Variants in CCDC171 observed in about 807,000 individuals in gnomAD.
CCDC171 encodes coiled-coil domain-containing protein 171.
CCDC171 carries 177 observed loss-of-function variants against 168.2 expected under a neutral mutation model. The observed-to-expected ratio is 1.05, with a 90% confidence interval of 0.93 to 1.19. CCDC171 has a LOEUF of 1.19. Among genes scored for constraint, CCDC171 ranks in the 50% most tolerant of loss-of-function variants. The pLI is 0.00. For synonymous variants in CCDC171, 687 were observed against 540.8 expected (o/e 1.27, Z -3.75); for missense variants, 1,991 against 1,539.0 (o/e 1.29, Z -4.91).
intron 18 of CCDC171, among the ~76,000 whole-genome samples, chr9:15,758,350 G>T (rs2056253132): frequency 6.6e-6 from 1 of 152,198 alleles, no homozygotes; most frequent in South Asian, 2.1e-4. Flanking sequence ...TTTTGGACTT[G>T]CGTGGGGCCT....
At chr9:15,933,131 C>T (rs149062765) in intron 25 of CCDC171, among the ~76,000 whole-genome samples, 2 of 152,022 alleles carry the variant, frequency 1.3e-5, no homozygotes, top group African/African-American at 4.8e-5. Context: ...GTATTTTCTC[C>T]TTTTCAATTT....
At chr9:15,629,211 C>G (rs1269868598) in intron 7 of CCDC171, among the ~76,000 whole-genome samples, 7 of 152,094 alleles carry the variant, frequency 4.6e-5, no homozygotes, top group Admixed American at 3.3e-4. Flanking sequence ...GAGAAGAAGG[C>G]TTCAGACGAT....
At chr9:15,657,631 C>T (rs1353027798) in intron 8 of CCDC171, among the ~76,000 whole-genome samples, 6 of 152,150 alleles carry the variant, frequency 3.9e-5, no homozygotes, top group African/African-American at 1.4e-4. Flanking sequence ...ATATCCTATG[C>T]ATATCACTGT....
intron 6 of CCDC171, among the ~76,000 whole-genome samples, chr9:15,621,332 GATTACACTATAGTGCAAAC>G (rs1400354227): frequency 1.3e-5 from 2 of 152,134 alleles, no homozygotes; most frequent in Non-Finnish European, 2.9e-5. Context: ...ACACTTAATA[GATTACACTATAGTGCAAAC>G]ATTACTTTCA....
intron 23 of CCDC171, among the ~76,000 whole-genome samples, chr9:15,866,926 G>C (rs368618410): frequency 6.6e-6 from 1 of 152,076 alleles, no homozygotes; most frequent in East Asian, 1.9e-4. Context: ...CCAGCATATA[G>C]TCTCTAAATA....
chr9:16,083,536 A>G, the CCDC171 span, among the ~76,000 whole-genome samples: 1 of 152,178 alleles, frequency 6.6e-6, no homozygotes, highest in Non-Finnish European at 1.5e-5. Flanking sequence ...CCATTGTTGG[A>G]AAGTGATATA....
At chr9:15,581,867 A>G (rs1016119259) in intron 4 of CCDC171, among the ~76,000 whole-genome samples, 4 of 152,150 alleles carry the variant, frequency 2.6e-5, no homozygotes, top group Non-Finnish European at 2.9e-5. Flanking sequence ...GGACATAGGC[A>G]TGGGCAAGGA....
chr9:15,788,808 C>T (rs771993287), intron 21 of CCDC171, among the ~76,000 whole-genome samples: 7 of 152,088 alleles, frequency 4.6e-5, no homozygotes, highest in Non-Finnish European at 8.8e-5. Flanking sequence ...TTGTCTTGGC[C>T]TCCCAAAGTG....
At chr9:15,828,405 T>G (rs1459990941) in intron 21 of CCDC171, among the ~76,000 whole-genome samples, 1 of 152,124 alleles carries the variant, frequency 6.6e-6, no homozygotes, top group Non-Finnish European at 1.5e-5. Flanking sequence ...TAACATCCAG[T>G]GCCCATACAT....
At chr9:16,045,106 A>G (rs1426870285) in intron 1 of CCDC171, among the ~76,000 whole-genome samples, 6 of 152,218 alleles carry the variant, frequency 3.9e-5, no homozygotes, top group Non-Finnish European at 8.8e-5. Flanking sequence ...TCTAGTGGGT[A>G]TAGGAATAAA....
intron 23 of CCDC171, among the ~76,000 whole-genome samples, chr9:15,856,975 T>G (rs2130903268): frequency 6.6e-6 from 1 of 152,202 alleles, no homozygotes; most frequent in South Asian, 2.1e-4. Context: ...TTGAGGATGT[T>G]TTCATATACC....
At chr9:15,944,640 A>T (rs558149336) in intron 25 of CCDC171, among the ~76,000 whole-genome samples, 5 of 152,178 alleles carry the variant, frequency 3.3e-5, no homozygotes, top group South Asian at 2.1e-4. Context: ...GTAGCTAGGC[A>T]TGCGGGTTTA....
intron 6 of CCDC171, among the ~76,000 whole-genome samples, chr9:15,600,115 G>A (rs528908293): frequency 1.3e-5 from 2 of 152,060 alleles, no homozygotes; most frequent in African/African-American, 2.4e-5. Flanking sequence ...TAGTTTGATT[G>A]TCTGAAGCCT....
chr9:15,613,568 G>A (rs552508741), intron 6 of CCDC171, among the ~76,000 whole-genome samples: 2 of 150,110 alleles, frequency 1.3e-5, no homozygotes, highest in South Asian at 4.2e-4. Context: ...CTGTCGCCAG[G>A]CTGGAGTGCA....
chr9:16,040,590 T>C (rs1360470086), upstream of CCDC171, among the ~76,000 whole-genome samples: 1 of 152,196 alleles, frequency 6.6e-6, no homozygotes, highest in Non-Finnish European at 1.5e-5. Flanking sequence ...GGAATTTGAT[T>C]GTTTGCAGTT....
chr9:15,743,138 C>CTTTTTTTTTTTTTTTTTT (rs66642691), intron 16 of CCDC171, among the ~76,000 whole-genome samples: 1 of 73,270 alleles, frequency 1.4e-5, no homozygotes, highest in Non-Finnish European at 2.5e-5. Flanking sequence ...CTGTTACCTT[C>CTTTTTTTTTTTTTTTTTT]TTTTTTTTTT....
downstream of CCDC171, among the ~76,000 whole-genome samples, chr9:15,976,731 C>T (rs1463596474): frequency 6.6e-6 from 1 of 151,522 alleles, no homozygotes; most frequent in East Asian, 1.9e-4. Context: ...TCATTTCTCC[C>T]TGCCTTTTGT....
chr9:15,600,088 C>T (rs528202414), intron 6 of CCDC171, among the ~76,000 whole-genome samples: 3 of 152,146 alleles, frequency 2.0e-5, no homozygotes. Flanking sequence ...GTTCGAACTT[C>T]CTCCTTTAGC....
intron 5 of CCDC171, chr9:16,022,588 A>G (rs1390253724): frequency 1.3e-5 from 2 of 152,266 alleles, no homozygotes; most frequent in Non-Finnish European, 1.5e-5. Flanking sequence ...GTCTACCAGT[A>G]AGTGCTTTTA....
Sources: gnomAD v4.1 joint callset for allele counts (sites outside exome capture counted in the v4.1 genomes callset) on GRCh38, gnomAD v4.1.1 for gene constraint, MANE v1.5 for transcripts, NCBI Gene and HGNC (gene_info 2026-07-23, HGNC 2026-07-21) for gene names.